ABR: variants seen among roughly 807,000 people sequenced by gnomAD.
ABR encodes the protein active breakpoint cluster region-related protein.
A neutral mutation model predicts 107.2 loss-of-function variants in ABR; 35 were observed. That is an observed-to-expected ratio of 0.33 (90% confidence interval 0.25 to 0.43). The LOEUF (loss-of-function observed/expected upper bound fraction) is 0.43. Ranked by LOEUF, ABR falls within the 20% of genes least tolerant of loss-of-function variation. The pLI, the probability that ABR is intolerant of heterozygous loss-of-function variation, is 1.00. For missense variants in ABR, 815 were observed against 1,115.2 expected (o/e 0.73, Z 3.83); for synonymous variants, 498 against 462.0 (o/e 1.08, Z -1.00).
chr17:1,031,851 T>TCCCTCCCTCCCTCCCTCCCCGCGCTC lies in ABR; in HGVS notation c.1791+18173_1791+18198dup, dbSNP rs1259428305. 3.8e-4 allele frequency: 411 copies of TCCCTCCCTCCCTCCCTCCCCGCGCTC among 1,092,242 alleles called. 1 individual carries two copies. Among genetic ancestry groups the TCCCTCCCTCCCTCCCTCCCCGCGCTC allele is most frequent in the East Asian group, 1.5e-3 (39 of 26,482 alleles). 67.7% of individuals were successfully genotyped at this position (1,092,242 alleles called of 1,614,324 possible). ...CCCGCCGGCTTTCCCCGCGCTCGCC[T>TCCCTCCCTCCCTCCCTCCCCGCGCTC]CCCTCCCTCCCTCCCTCCCCGCGCT... On this transcript the variant is annotated intron_variant, in intron 16 of 22. Coordinates refer to ENST00000302538, the MANE Select transcript of ABR (RefSeq NM_021962.5).
chr17:1,128,741 G>A (rs2039701615), intron 1 of ABR, among the ~76,000 whole-genome samples: 1 of 151,834 alleles, frequency 6.6e-6, no homozygotes, highest in Admixed American at 6.6e-5. Flanking sequence ...GGGAGTCCAG[G>A]TCACTGAGGG....
intron 1 of ABR, among the ~76,000 whole-genome samples, chr17:1,197,489 C>T (rs975983461): frequency 6.6e-6 from 1 of 151,624 alleles, no homozygotes; most frequent in African/African-American, 2.4e-5. Flanking sequence ...TTAGCCACAG[C>T]TCTGATGAAA....
intron 1 of ABR, among the ~76,000 whole-genome samples, chr17:1,198,615 C>T (rs1414796878): frequency 1.3e-5 from 2 of 151,004 alleles, no homozygotes; most frequent in Admixed American, 6.6e-5. Context: ...GCGGTGTACA[C>T]CTGTGATCCC....
intron 1 of ABR, among the ~76,000 whole-genome samples, chr17:1,216,872 G>A (rs1030721865): frequency 5.3e-5 from 8 of 152,134 alleles, no homozygotes; most frequent in African/African-American, 1.7e-4. Context: ...CAACAAGCTC[G>A]GCATTCAGGA....
chr17:1,074,248 T>C (rs1481221652), intron 6 of ABR, among the ~76,000 whole-genome samples: 2,184 of 39,010 alleles, frequency 0.056, no homozygotes, highest in Middle Eastern at 0.067. Context: ...CCACGCCCCG[T>C]AGAGTCCAGC....
chr17:1,181,418 T>C (rs1400293712), upstream of ABR, among the ~76,000 whole-genome samples: 1 of 150,636 alleles, frequency 6.6e-6, no homozygotes, highest in Non-Finnish European at 1.5e-5. Flanking sequence ...AGAAGTGGTT[T>C]TCAATATTAT....
chr17:1,012,253 C>G lies in ABR; in HGVS notation c.1962-268G>C, dbSNP rs746875479. 160 of 665,256 alleles carry G rather than the reference C, an allele frequency of 2.4e-4. 1 individual carries two copies. Among genetic ancestry groups the G allele is most frequent in the Middle Eastern group, 1.9e-3 (8 of 4,186 alleles). 41.2% of individuals were successfully genotyped at this position (665,256 alleles called of 1,614,324 possible). On this transcript the variant is annotated intron_variant, in intron 18 of 22. Coordinates refer to ENST00000302538, the MANE Select transcript of ABR (RefSeq NM_021962.5). ...GGCCGAGACTCTAGGGAAAGAACGT[C>G]CCCCAGATTCAGATGCTTGTAGGAG...
chr17:1,162,488 G>A (rs2041340651), intron 1 of ABR, among the ~76,000 whole-genome samples: 1 of 152,186 alleles, frequency 6.6e-6, no homozygotes, highest in African/African-American at 2.4e-5. Context: ...CCCCACTGTG[G>A]GCCACCCGGG....
rs2040663857 is a variant in ABR, at chr17:1,148,764, T to TA, written c.62-23398dup. ...GTTTCACAGATGCGGAGTCTCAGTT[T>TA]AGCCAGGTGAGAGTTCCGGAGATGA... On this transcript the variant is annotated intron_variant, in intron 1 of 22. Coordinates refer to ENST00000302538, the MANE Select transcript of ABR (RefSeq NM_021962.5). This position sits in a 1 kb window ranked among gnomAD's most constrained non-coding sequence, Gnocchi z 4.9. Among the ~76,000 whole-genome samples the TA allele has an allele frequency of 6.6e-6, 1 of 152,222 alleles. No individual in the cohort carries two copies. Among genetic ancestry groups the TA allele is most frequent in the African/African-American group, 2.4e-5 (1 of 41,446 alleles).
chr17:1,014,292 T>C (rs1268590079), intron 16 of ABR, among the ~76,000 whole-genome samples: 2 of 132,882 alleles, frequency 1.5e-5, no homozygotes, highest in African/African-American at 2.8e-5. Flanking sequence ...ATACAAAAAA[T>C]TAGCCGGGCG....
At position 1,058,829 on chromosome 17, in the gene ABR, C is replaced by T; in HGVS notation, c.1221G>A (p.Leu407=). The T allele has an allele frequency of 1.2e-6, 2 of 1,614,158 alleles. No individual in the cohort carries two copies. The highest frequency in any genetic ancestry group is 1.7e-6 in the Non-Finnish European group (2 of 1,180,032). ...NKGQSRAIER[L]KKKMFENEFL... is the part of the protein sequence containing the mutation. ...ACTCATTCTCAAACATCTTCTTCTT[C>T]AGGCGCTCGATGGCCCGGCTCTGGC... Residue 407 remains leucine, a synonymous_variant, in exon 11 of 23, where the codon CTG becomes CTA. Coordinates refer to ENST00000302538, the MANE Select transcript of ABR (RefSeq NM_021962.5).
intron 16 of ABR, among the ~76,000 whole-genome samples, chr17:1,043,291 C>A (rs1055398735): frequency 1.3e-5 from 2 of 152,050 alleles, no homozygotes; most frequent in African/African-American, 2.4e-5. Flanking sequence ...CCTCAGTGTC[C>A]CGAATAGCTG....
intron 12 of ABR, 27 bp from the exon 13 acceptor site, chr17:1,057,129 A>G: frequency 6.6e-7 from 1 of 1,520,048 alleles, no homozygotes; most frequent in Admixed American, 1.7e-5. Flanking sequence ...GAGAGAAGGG[A>G]GCGTGGGCAC....
chr17:1,097,854 C>T (rs1018731866), intron 3 of ABR, among the ~76,000 whole-genome samples: 125 of 152,254 alleles, frequency 8.2e-4, no homozygotes, highest in African/African-American at 2.7e-3. Flanking sequence ...ACGTGTTTCA[C>T]GAATGTCTGA....
rs1223421203 is a variant in ABR at position 1,113,290 on chromosome 17, T to TTTG, written c.246+11892_246+11893insCAA. On this transcript the variant is annotated intron_variant, in intron 2 of 22. Coordinates refer to ENST00000302538, the MANE Select transcript of ABR (RefSeq NM_021962.5). ...AACACCTATTGCGATTTTTTTTTTTTTTTTTTTTTTTTTTGAGACGGAGTC... is the reference window on the plus strand; with the variant it reads ...AACACCTATTGCGATTTTTTTTTTTTTTGTTTTTTTTTTTTTTGAGACGGAGTC... Among the ~76,000 whole-genome samples, 128 of 141,700 alleles carry TTTG rather than the reference T, an allele frequency of 9.0e-4. 5 individuals are homozygous for TTTG. The highest frequency in any genetic ancestry group is 3.1e-3 in the African/African-American group (120 of 38,148). 93.0% of individuals were successfully genotyped at this position (141,700 alleles called of 152,430 possible).
intron 18 of ABR, chr17:1,012,332 G>C (rs2070667488): frequency 3.1e-6 from 2 of 640,906 alleles, no homozygotes; most frequent in African/African-American, 1.8e-5. Context: ...CAAGGGGCCA[G>C]GGTGGTGGTG....
In ABR at chr17:1,006,025, A is replaced by C. The variant is rs751542338; in HGVS notation, c.*55T>G. On this transcript the variant is annotated 3_prime_UTR_variant, in exon 23 of 23. Transcript: ENST00000302538. ...TTGCAGTCTTTCAAGTCTGAGTTGG[A>C]CCCCAGGCTGGAGGGGCTGGTTCCA... The C allele has an allele frequency of 2.1e-6, 3 of 1,449,614 alleles. No individual in the cohort carries two copies. In the East Asian group the frequency reaches 7.4e-5, roughly 36 times the overall value. 89.8% of individuals were successfully genotyped at this position (1,449,614 alleles called of 1,614,324 possible). A position where few individuals can be genotyped will look rare whatever the true frequency, so the allele number is the denominator to read the frequency against.
chr17:1,097,590 C>CAAAAAA (rs57256346), intron 3 of ABR, among the ~76,000 whole-genome samples: 3 of 104,770 alleles, frequency 2.9e-5, no homozygotes, highest in African/African-American at 3.8e-5. Context: ...GACTCCGTCT[C>CAAAAAA]AAAAAAAAAA....
At chr17:1,163,287 A>AT (rs1337794843) in intron 1 of ABR, among the ~76,000 whole-genome samples, 2 of 152,212 alleles carry the variant, frequency 1.3e-5, no homozygotes, top group Non-Finnish European at 2.9e-5. Context: ...TCGCATCGTG[A>AT]TTTTTTGTGT....
Sources: allele counts gnomAD v4.1 joint callset (sites outside exome capture counted in the v4.1 genomes callset), GRCh38; gene constraint gnomAD v4.1.1; non-coding constraint Gnocchi (gnomAD v3.1); transcripts MANE v1.5; gene names NCBI Gene and HGNC (gene_info 2026-07-23, HGNC 2026-07-21).